The following INPP5D variants were observed in gnomAD, a reference collection of about 807,000 sequenced individuals.
INPP5D encodes inositol polyphosphate-5-phosphatase D.
A neutral mutation model predicts 122.9 loss-of-function variants in INPP5D; 33 were observed. The observed-to-expected ratio is 0.27, with a 90% CI of 0.20 to 0.36. The LOEUF is 0.36. Ranked by LOEUF, INPP5D falls within the 10% of genes least tolerant of loss-of-function variation. The pLI is 1.00. For synonymous variants in INPP5D, 584 were observed against 576.2 expected (o/e 1.01, Z -0.19); for missense variants, 1,053 against 1,412.7 (o/e 0.75, Z 4.08).
chr2:233,101,275 A>AGC (rs1484339637), intron 2 of INPP5D, among the ~76,000 whole-genome samples: 1 of 152,074 alleles, frequency 6.6e-6, no homozygotes, highest in African/African-American at 2.4e-5. Context: ...ATTCACAACC[A>AGC]GCTCTTGGGG....
At chr2:233,185,230 G>T (rs12612322) in intron 20 of INPP5D, among the ~76,000 whole-genome samples, 25,886 of 151,872 alleles carry the variant, frequency 0.17, 2,332 homozygotes, top group East Asian at 0.36. Flanking sequence ...GATGCTTCCA[G>T]AAATCAGGAA....
intron 22 of INPP5D, among the ~76,000 whole-genome samples, chr2:233,193,557 G>A (rs999709610): frequency 2.0e-5 from 3 of 152,122 alleles, no homozygotes; most frequent in East Asian, 1.9e-4. Flanking sequence ...TCCCTACAGC[G>A]ATCAGATGAG....
At position 233,164,801 on chromosome 2, in the gene INPP5D, G is replaced by C. The variant is rs145406241; in HGVS notation, c.1555+377G>C. Among the ~76,000 whole-genome samples the C allele has an allele frequency of 8.2e-4, 125 of 152,336 alleles. 1 individual carries two copies. Among genetic ancestry groups the C allele is most frequent in the African/African-American group, 2.8e-3 (118 of 41,576 alleles). On this transcript the variant is annotated intron_variant, in intron 13 of 26. Coordinates refer to ENST00000445964, the MANE Select transcript of INPP5D (RefSeq NM_001017915.3). This position sits in a 1 kb window ranked among gnomAD's most constrained non-coding sequence, Gnocchi z 4.3. ...ACTTTTGCAGGAAAGGGAAGGGCCT[G>C]ACAGTAAATATTTCAGGCTTTGCAG...
Position 233,146,194 on chromosome 2 carries a change from G to T in INPP5D, c.786G>T (p.Val262=). 1 of 704,220 alleles carries T rather than the reference G, an allele frequency of 1.4e-6. No individual in the cohort carries two copies. The highest frequency in any genetic ancestry group is 1.5e-5 in the South Asian group (1 of 67,594). 43.6% of individuals were successfully genotyped at this position (704,220 alleles called of 1,614,324 possible). Residue 262 remains valine (V), a synonymous_variant, in exon 7 of 27, where the codon GTG becomes GTT. Coordinates refer to ENST00000445964, the MANE Select transcript of INPP5D (RefSeq NM_001017915.3). ...VPGEANPINM[V]SKLSQLTSLL... is the part of the protein sequence containing the mutation. ...GTGAGGCCAATCCCATCAACATGGTGTCCAAGCTCAGCCAACTGACAAGCC... is the reference window on the plus strand; with the variant it reads ...GTGAGGCCAATCCCATCAACATGGTTTCCAAGCTCAGCCAACTGACAAGCC...
At chr2:233,094,926 T>G (rs1315981263) in intron 2 of INPP5D, among the ~76,000 whole-genome samples, 1 of 152,168 alleles carries the variant, frequency 6.6e-6, no homozygotes, top group East Asian at 1.9e-4. Context: ...CACCCCTAAT[T>G]TGTCCAACAA....
chr2:233,144,533 G>A (rs1411248956), intron 6 of INPP5D, among the ~76,000 whole-genome samples: 1 of 113,558 alleles, frequency 8.8e-6, no homozygotes, highest in African/African-American at 3.3e-5. Flanking sequence ...GATGGTGAGG[G>A]TGGAGGTGGT....
At chr2:233,194,304 G>A (rs1358952320) in intron 23 of INPP5D, among the ~76,000 whole-genome samples, 1 of 152,022 alleles carries the variant, frequency 6.6e-6, no homozygotes, top group Non-Finnish European at 1.5e-5. Flanking sequence ...TTGTTAAATG[G>A]CTCCTTCCAG....
chr2:233,145,378 A>C (rs1351645657), intron 6 of INPP5D: 1 of 454,980 alleles, frequency 2.2e-6, no homozygotes, highest in Non-Finnish European at 4.4e-6. Context: ...GTGTTGCAGT[A>C]CTGAACACAG....
intron 6 of INPP5D, chr2:233,145,863 T>C: frequency 1.8e-6 from 1 of 563,652 alleles, no homozygotes; most frequent in East Asian, 4.1e-5. Context: ...GGAGGAAAGG[T>C]AACATGCAAG....
At chr2:233,138,625 T>A (rs995380118) in intron 5 of INPP5D, among the ~76,000 whole-genome samples, 1 of 152,150 alleles carries the variant, frequency 6.6e-6, no homozygotes, top group Non-Finnish European at 1.5e-5. Flanking sequence ...TACTCACAGG[T>A]TTGGCAATAA....
rs569940483 is a variant in INPP5D at position 233,128,247 on chromosome 2, T to TC, written c.525-2255dup. Reference sequence around the variant, plus strand: ...ATGGAGCAGTTTCCTCCCACAACCATCCCCCCACCACCCATCCGTGGAATA... The same window carrying TC: ...ATGGAGCAGTTTCCTCCCACAACCATCCCCCCCACCACCCATCCGTGGAATA... On this transcript the variant is annotated intron_variant, in intron 4 of 26. Coordinates refer to ENST00000445964, the MANE Select transcript of INPP5D (RefSeq NM_001017915.3). The surrounding 1 kb of genome is among the most constrained non-coding windows in gnomAD (Gnocchi z 4.5). Among the ~76,000 whole-genome samples the TC allele has an allele frequency of 6.3e-4, 96 of 151,536 alleles. No individual in the cohort carries two copies. The highest frequency in any genetic ancestry group is 2.2e-3 in the African/African-American group (91 of 41,260).
chr2:233,066,061 G>C (rs182652710), intron 1 of INPP5D, among the ~76,000 whole-genome samples: 4 of 151,922 alleles, frequency 2.6e-5, no homozygotes, highest in Admixed American at 2.6e-4. Context: ...TTGATCAAGC[G>C]ATCCTCCTGC....
intron 9 of INPP5D, among the ~76,000 whole-genome samples, chr2:233,154,258 C>G (rs1017321390): frequency 6.6e-6 from 1 of 152,218 alleles, no homozygotes; most frequent in African/African-American, 2.4e-5. Flanking sequence ...AGGCGATTCT[C>G]GTGCCTCAGC....
intron 2 of INPP5D, among the ~76,000 whole-genome samples, chr2:233,118,212 G>A (rs1424242516): frequency 6.6e-6 from 1 of 152,128 alleles, no homozygotes; most frequent in African/African-American, 2.4e-5. Flanking sequence ...ACCCAGGCAC[G>A]GTTGCCCTTC....
rs1171910389 is a variant in INPP5D at position 233,177,282 on chromosome 2, T to G, written c.2007T>G (p.Pro669=). ...ATTTGCAGATGAAGTACAACTTGCC[T>G]TCCTGGTGTGACCGAGTCCTCTGGA... ...QKATGMKYNL[P]SWCDRVLWKS... is the part of the protein sequence containing the mutation. The change falls in exon 18 of 27, where the codon CCT becomes CCG. Residue 669 remains proline (P), a synonymous_variant. Coordinates refer to ENST00000445964, the MANE Select transcript of INPP5D (RefSeq NM_001017915.3). This position sits in a 1 kb window ranked among gnomAD's most constrained non-coding sequence, Gnocchi z 4.2. The G allele has an allele frequency of 1.9e-6, 3 of 1,613,820 alleles. No homozygotes were observed. The highest frequency in any genetic ancestry group is 1.3e-5 in the African/African-American group (1 of 74,920).
chr2:233,163,992 A>G, intron 12 of INPP5D, 89 bp downstream of exon 12: 1 of 1,501,640 alleles, frequency 6.7e-7, no homozygotes. Flanking sequence ...GGCTCAGCCT[A>G]TCAGCTCTCA....
chr2:233,139,357 G>A (rs1238325460), intron 5 of INPP5D, among the ~76,000 whole-genome samples: 2 of 152,116 alleles, frequency 1.3e-5, no homozygotes, highest in Admixed American at 1.3e-4. Context: ...CTGCTAGGAG[G>A]GGATTTGCAT....
chr2:233,098,933 TA>T (rs1264804018), intron 2 of INPP5D, among the ~76,000 whole-genome samples: 3 of 122,134 alleles, frequency 2.5e-5, no homozygotes, highest in Non-Finnish European at 3.3e-5. Flanking sequence ...TTTGGAACTT[TA>T]TTTTTATTTA....
chr2:233,068,838 C>T (rs1298288127), intron 1 of INPP5D, among the ~76,000 whole-genome samples: 1 of 152,142 alleles, frequency 6.6e-6, no homozygotes, highest in African/African-American at 2.4e-5. Context: ...GAGTGATGCC[C>T]CTGTGACGGA....
Sources: gnomAD v4.1 joint callset for allele counts (sites outside exome capture counted in the v4.1 genomes callset) on GRCh38, gnomAD v4.1.1 for gene constraint, Gnocchi (gnomAD v3.1) non-coding constraint, MANE v1.5 for transcripts, NCBI Gene and HGNC (gene_info 2026-07-23, HGNC 2026-07-21) for gene names.